CTNNA2: variants seen among roughly 807,000 people sequenced by gnomAD.
CTNNA2 encodes catenin alpha-2.
Under a neutral mutation model 101.0 loss-of-function variants are expected in CTNNA2, and 42 were observed. The ratio of observed to expected loss-of-function variants is 0.42; its 90% CI spans 0.32 to 0.54. The LOEUF (loss-of-function observed/expected upper bound fraction) is 0.54. Among genes scored for constraint, CTNNA2 ranks in the 20% least tolerant of loss-of-function variants. CTNNA2 has a pLI of 0.14. For synonymous variants in CTNNA2, 450 were observed against 456.4 expected, an observed-to-expected ratio of 0.99 and a Z score of 0.18; for missense variants, 871 against 1,223.1, an observed-to-expected ratio of 0.71 and a Z score of 4.29.
intron 2 of CTNNA2, among the ~76,000 whole-genome samples, chr2:79,659,301 T>C (rs17783476): frequency 0.057 from 8,524 of 150,764 alleles, 313 homozygotes; most frequent in Non-Finnish European, 0.073. Context: ...ACTGAAATAA[T>C]CAAAATATAA....
intron 3 of CTNNA2, among the ~76,000 whole-genome samples, chr2:79,848,388 T>G (rs1002595392): frequency 3.3e-5 from 5 of 152,226 alleles, no homozygotes; most frequent in Non-Finnish European, 5.9e-5. Flanking sequence ...GGTCTTCTCT[T>G]GCATTCAAGG....
intron 7 of CTNNA2, among the ~76,000 whole-genome samples, chr2:79,971,133 T>C (rs1193016265): frequency 6.6e-6 from 1 of 152,150 alleles, no homozygotes; most frequent in East Asian, 1.9e-4. Context: ...TCTATCCTTC[T>C]ACCTAAGGCT....
intron 1 of CTNNA2, among the ~76,000 whole-genome samples, chr2:79,632,008 A>G (rs902508322): frequency 6.6e-6 from 1 of 152,304 alleles, no homozygotes; most frequent in African/African-American, 2.4e-5. Context: ...ATTTTCATAT[A>G]TTTTAGCAGA....
Position 79,712,778 on chromosome 2 carries a change from G to A in CTNNA2, c.103-31609G>A, listed in dbSNP as rs111967356. On this transcript the variant is annotated intron_variant, in intron 2 of 18. Coordinates refer to ENST00000402739, the MANE Select transcript of CTNNA2 (RefSeq NM_001282597.3). ...TTTCTGATTGCAAATTTCTACTATT[G>A]GCATGTATAATTGAGTCATACCATA... 7.3e-3 allele frequency among the ~76,000 whole-genome samples: 1,116 copies of A among 152,112 alleles called. 8 individuals are homozygous for A. The highest frequency in any genetic ancestry group is 0.026 in the African/African-American group (1,067 of 41,498).
chr2:80,019,495 G>A (rs1407722953), intron 7 of CTNNA2, among the ~76,000 whole-genome samples: 1 of 152,154 alleles, frequency 6.6e-6, no homozygotes, highest in African/African-American at 2.4e-5. Context: ...TAAAATAGAG[G>A]ATCACCTGAC....
At chr2:80,184,290 A>G (rs149581562) in intron 7 of CTNNA2, among the ~76,000 whole-genome samples, 48 of 152,290 alleles carry the variant, frequency 3.2e-4, no homozygotes, top group African/African-American at 1.1e-3. Flanking sequence ...AGACAGATGC[A>G]TATTTATTTT....
intron 2 of CTNNA2, among the ~76,000 whole-genome samples, chr2:79,289,933 A>G (rs1675749429): frequency 6.6e-6 from 1 of 152,136 alleles, no homozygotes; most frequent in Non-Finnish European, 1.5e-5. Context: ...GGCCCAGATA[A>G]TCAGCCTCTC....
chr2:79,998,575 G>A (rs535308302), intron 7 of CTNNA2, among the ~76,000 whole-genome samples: 68 of 152,186 alleles, frequency 4.5e-4, no homozygotes, highest in Non-Finnish European at 8.5e-4. Flanking sequence ...TGTAGCCAAA[G>A]GCTTTTGCAA....
chr2:80,468,569 C>T (rs898369327), intron 9 of CTNNA2, among the ~76,000 whole-genome samples: 2 of 152,120 alleles, frequency 1.3e-5, no homozygotes, highest in African/African-American at 4.8e-5. Flanking sequence ...AGGCGCCTGC[C>T]ACCATGCCTG....
At chr2:80,540,721 GTC>G (rs899913644) in intron 9 of CTNNA2, among the ~76,000 whole-genome samples, 14 of 152,038 alleles carry the variant, frequency 9.2e-5, no homozygotes, top group African/African-American at 3.1e-4. Context: ...TGGAGATGGA[GTC>G]TCTCTCTGTC....
chr2:80,346,633 G>A (rs529215381), intron 7 of CTNNA2, among the ~76,000 whole-genome samples: 5 of 152,064 alleles, frequency 3.3e-5, no homozygotes, highest in Admixed American at 6.5e-5. Flanking sequence ...TCTCAGCATC[G>A]GAGTGCCTGA....
chr2:80,190,094 A>G (rs1269293024), intron 7 of CTNNA2, among the ~76,000 whole-genome samples: 1 of 152,006 alleles, frequency 6.6e-6, no homozygotes, highest in Non-Finnish European at 1.5e-5. Context: ...GAATCTCTAA[A>G]ACTAGACCTT....
intron 7 of CTNNA2, among the ~76,000 whole-genome samples, chr2:80,170,538 A>T (rs901106958): frequency 6.6e-6 from 1 of 152,122 alleles, no homozygotes; most frequent in Admixed American, 6.5e-5. Context: ...CAAGAGGTTA[A>T]CCATGACCTA....
At chr2:80,543,948 ATCCCCAT>A (rs1691811548) in intron 9 of CTNNA2, among the ~76,000 whole-genome samples, 1 of 152,144 alleles carries the variant, frequency 6.6e-6, no homozygotes, top group South Asian at 2.1e-4. Context: ...GACTTTTCAT[ATCCCCAT>A]TCTTGTGTTG....
At chr2:80,399,518 C>T (rs182308381) in intron 8 of CTNNA2, among the ~76,000 whole-genome samples, 32 of 152,196 alleles carry the variant, frequency 2.1e-4, no homozygotes, top group African/African-American at 6.5e-4. Flanking sequence ...TCAAATGGTA[C>T]ACTATACTGA....
intron 7 of CTNNA2, among the ~76,000 whole-genome samples, chr2:80,307,613 C>A (rs566292058): frequency 6.6e-6 from 1 of 152,296 alleles, no homozygotes; most frequent in Admixed American, 6.5e-5. Context: ...TCAATCTCTT[C>A]TTCCCGGGTG....
At position 79,940,776 on chromosome 2, in the gene CTNNA2, A is replaced by G. The variant is rs186387884; in HGVS notation, c.1056+30979A>G. On this transcript the variant is annotated intron_variant, in intron 7 of 18. Transcript: ENST00000402739. The stretch of plus-strand genomic sequence containing the variant: ...ACTTACAGTAGCCTATGGGTGGGCA[A>G]AATAATCTAATACAGAGCCTATTTT... Among the ~76,000 whole-genome samples, 362 of 152,324 alleles carry G rather than the reference A, an allele frequency of 2.4e-3. 1 individual carries two copies. Among genetic ancestry groups the G allele is most frequent in the African/African-American group, 8.0e-3 (332 of 41,576 alleles).
intron 4 of CTNNA2, among the ~76,000 whole-genome samples, chr2:79,865,742 C>T (rs1285045983): frequency 6.6e-6 from 1 of 152,188 alleles, no homozygotes; most frequent in African/African-American, 2.4e-5. Context: ...TATTTTGAGA[C>T]GGAGTCTCGC....
intron 2 of CTNNA2, among the ~76,000 whole-genome samples, chr2:79,275,358 C>G (rs1377620608): frequency 6.6e-6 from 1 of 151,878 alleles, no homozygotes; most frequent in Non-Finnish European, 1.5e-5. Flanking sequence ...AAAAATGCAA[C>G]ACATCATAAA....
Sources: gnomAD v4.1 joint callset for allele counts (sites outside exome capture counted in the v4.1 genomes callset) on GRCh38, gnomAD v4.1.1 for gene constraint, MANE v1.5 for transcripts, NCBI Gene and HGNC (gene_info 2026-07-23, HGNC 2026-07-21) for gene names.